CPVL: variants seen among roughly 807,000 people sequenced by gnomAD.
CPVL encodes probable serine carboxypeptidase CPVL.
CPVL carries 51 observed loss-of-function variants against 63.7 expected under a neutral mutation model. The ratio of observed to expected loss-of-function variants is 0.80; its 90% CI spans 0.64 to 1.01. The LOEUF is 1.01. Among genes scored for constraint, CPVL ranks in the 50% least tolerant of loss-of-function variants. The pLI, the probability that CPVL is intolerant of heterozygous loss-of-function variation, is 0.00. For synonymous variants in CPVL, 195 were observed against 206.0 expected, an observed-to-expected ratio of 0.95 and a Z score of 0.46; for missense variants, 530 against 573.1, an observed-to-expected ratio of 0.92 and a Z score of 0.77.
At position 28,999,049 on chromosome 7, in the gene CPVL, TA is replaced by T. The variant is rs1034072095; in HGVS notation, c.1321-3168del. Among the ~76,000 whole-genome samples, 949 of 143,112 alleles carry T rather than the reference TA, an allele frequency of 6.6e-3. 7 individuals carry two copies. Among genetic ancestry groups the T allele is most frequent in the African/African-American group, 0.019 (752 of 39,160 alleles). 93.9% of individuals were successfully genotyped at this position (143,112 alleles called of 152,430 possible). A position where few individuals can be genotyped will look rare whatever the true frequency, so the allele number is the denominator to read the frequency against. On this transcript the variant is annotated intron_variant, in intron 12 of 12. Coordinates refer to ENST00000265394, the MANE Select transcript of CPVL (RefSeq NM_031311.5). The stretch of plus-strand genomic sequence containing the variant: ...GCGAAACCCTGCCTCTACTAAAAAT[TA>T]AAAAAAAAAAAATTAGCCAGGCATG...
At chr7:29,195,026 G>A (rs370813742) in intron 1 of CPVL, 6 of 1,576,034 alleles carry the variant, frequency 3.8e-6, no homozygotes, top group Non-Finnish European at 5.2e-6. Context: ...CTGCCGCGCC[G>A]GGTCTCGCCC....
chr7:29,113,048 G>C (rs574968439), intron 2 of CPVL: 1 of 445,428 alleles, frequency 2.2e-6, no homozygotes, highest in Non-Finnish European at 4.0e-6. Flanking sequence ...CCTTTGGGGA[G>C]GGGTGCCCAA....
At chr7:29,031,840 TCA>T (rs1487992631) in intron 11 of CPVL, among the ~76,000 whole-genome samples, 3 of 152,188 alleles carry the variant, frequency 2.0e-5, no homozygotes, top group Non-Finnish European at 4.4e-5. Flanking sequence ...GAAATACTTA[TCA>T]CATAATGTTA....
intron 11 of CPVL, among the ~76,000 whole-genome samples, chr7:29,034,029 T>C (rs975585441): frequency 5.3e-5 from 8 of 152,228 alleles, no homozygotes; most frequent in Non-Finnish European, 1.0e-4. Context: ...ATTTGAGCTA[T>C]GGTTGATTTA....
At chr7:29,022,388 C>G (rs62442560) in intron 12 of CPVL, among the ~76,000 whole-genome samples, 11,502 of 152,282 alleles carry the variant, frequency 0.076, 558 homozygotes, top group Non-Finnish European at 0.11. Context: ...ATCAAAGTGC[C>G]TAAAGATACC....
chr7:29,043,220 A>T (rs746589774), intron 11 of CPVL, among the ~76,000 whole-genome samples: 2 of 142,872 alleles, frequency 1.4e-5, no homozygotes, highest in Non-Finnish European at 3.0e-5. Context: ...GCCTGGTTAC[A>T]CAGCTTACTT....
chr7:29,063,616 G>A (rs551395432), intron 11 of CPVL, among the ~76,000 whole-genome samples: 1 of 152,144 alleles, frequency 6.6e-6, no homozygotes, highest in African/African-American at 2.4e-5. Flanking sequence ...TGTTGCCCAG[G>A]CTGGAGTGCA....
chr7:29,048,292 C>T (rs1343421644), intron 11 of CPVL, among the ~76,000 whole-genome samples: 5 of 152,114 alleles, frequency 3.3e-5, no homozygotes, highest in African/African-American at 1.2e-4. Flanking sequence ...TAAGAACTCA[C>T]CAACCAACTA....
chr7:29,065,969 G>T, intron 10 of CPVL, 54 bp downstream of exon 10: 4 of 1,042,936 alleles, frequency 3.8e-6, no homozygotes, highest in South Asian at 2.9e-5. Flanking sequence ...AAGGAAGTTC[G>T]GTTTTGCCAA....
chr7:29,149,241 G>A (rs1250307919), upstream of CPVL, among the ~76,000 whole-genome samples: 2 of 133,886 alleles, frequency 1.5e-5, no homozygotes, highest in African/African-American at 5.6e-5. Flanking sequence ...CGCCCAGGCT[G>A]GACTGCAATG....
At chr7:29,054,415 T>C (rs1042525705) in intron 11 of CPVL, among the ~76,000 whole-genome samples, 11 of 152,236 alleles carry the variant, frequency 7.2e-5, no homozygotes, top group African/African-American at 2.4e-4. Context: ...TAGTTCTAGA[T>C]TGTTATCTCA....
At chr7:29,023,029 C>T (rs1264591253) in intron 12 of CPVL, among the ~76,000 whole-genome samples, 1 of 152,212 alleles carries the variant, frequency 6.6e-6, no homozygotes, top group African/African-American at 2.4e-5. Context: ...GGGGACTGGC[C>T]CACCAAGTTT....
chr7:29,077,096 C>T (rs1784316807), intron 7 of CPVL, among the ~76,000 whole-genome samples: 1 of 152,164 alleles, frequency 6.6e-6, no homozygotes, highest in Non-Finnish European at 1.5e-5. Context: ...CTTACTGTAA[C>T]CTGCCATTTG....
intron 9 of CPVL, among the ~76,000 whole-genome samples, chr7:29,069,021 C>G (rs539586766): frequency 6.6e-6 from 1 of 152,026 alleles, no homozygotes; most frequent in South Asian, 2.1e-4. Flanking sequence ...AGATGGGGCA[C>G]CATAGGCCAG....
intron 12 of CPVL, among the ~76,000 whole-genome samples, chr7:29,022,341 C>A (rs1418853622): frequency 6.6e-6 from 1 of 152,192 alleles, no homozygotes; most frequent in African/African-American, 2.4e-5. Context: ...AGGAGGCCGA[C>A]CTACCACCCC....
intron 1 of CPVL, among the ~76,000 whole-genome samples, chr7:29,139,685 C>T (rs1172510558): frequency 1.3e-5 from 2 of 152,094 alleles, no homozygotes; most frequent in South Asian, 2.1e-4. Flanking sequence ...TTCAGGCACA[C>T]GTGTACACAA....
chr7:29,195,083 C>G (rs1029264883), exon 1 of CPVL: 3 of 1,348,810 alleles, frequency 2.2e-6, no homozygotes, highest in South Asian at 1.3e-5. Flanking sequence ...CTACCTGTGG[C>G]CATCCCGCCC....
In CPVL at chr7:29,112,789, C is replaced by T; in HGVS notation, c.203G>A (p.Gly68Glu). The change falls in exon 3 of 13, where the codon GGA becomes GAA. Residue 68 changes from glycine to glutamate, a missense_variant. Coordinates refer to ENST00000265394, the MANE Select transcript of CPVL (RefSeq NM_031311.5). ...GCCGGCATAACTCTTCATGTTCAGT[C>T]CTGGGAAAGGGCCGACCAAACTCAA... Reference protein sequence around the residue: ...RELSLVGPFPGLNMKSYAGFL... With the variant: ...RELSLVGPFPELNMKSYAGFL... 6.2e-7 allele frequency: 1 copy of T among 1,613,686 alleles called. No individual in the cohort carries two copies. The highest frequency in any genetic ancestry group is 1.1e-5 in the South Asian group (1 of 91,026).
chr7:29,047,746 TATCCAAAGTTAAGACGAAAGAAAGA>T (rs1438469137), intron 11 of CPVL, among the ~76,000 whole-genome samples: 1 of 152,174 alleles, frequency 6.6e-6, no homozygotes, highest in Non-Finnish European at 1.5e-5. Flanking sequence ...CCAATCAGGT[TATCCAAAGTTAAGACGAAAGAAAGA>T]ATCTTAAGAG....
Sources: allele counts gnomAD v4.1 joint callset (sites outside exome capture counted in the v4.1 genomes callset), GRCh38; gene constraint gnomAD v4.1.1; transcripts MANE v1.5; gene names NCBI Gene and HGNC (gene_info 2026-07-23, HGNC 2026-07-21).